The following AGBL1 variants were observed in gnomAD, a reference collection of about 807,000 sequenced individuals.
AGBL1 encodes the protein AGBL carboxypeptidase 1.
A neutral mutation model predicts 118.9 loss-of-function variants in AGBL1; 130 were observed. The observed-to-expected ratio is 1.09, with a 90% confidence interval of 0.95 to 1.26. The LOEUF (loss-of-function observed/expected upper bound fraction) is 1.26, where lower values mean the gene tolerates loss of function less well. Ranked by LOEUF, AGBL1 falls within the 50% of genes most tolerant of loss-of-function variation. AGBL1 has a pLI of 0.00. For synonymous variants in AGBL1, 555 were observed against 478.9 expected (o/e 1.16, Z -2.08); for missense variants, 1,584 against 1,298.1 (o/e 1.22, Z -3.38).
At chr15:86,798,319 A>G (rs1183033194) in intron 22 of AGBL1, among the ~76,000 whole-genome samples, 1 of 152,166 alleles carries the variant, frequency 6.6e-6, no homozygotes, top group Non-Finnish European at 1.5e-5. Flanking sequence ...TCCAGCATTA[A>G]GTGAGCTGGG....
At chr15:86,197,552 A>T (rs2077833850) in intron 5 of AGBL1, among the ~76,000 whole-genome samples, 2 of 152,208 alleles carry the variant, frequency 1.3e-5, no homozygotes, top group African/African-American at 4.8e-5. Context: ...TCTAAGCAAA[A>T]TGTTGAAGAT....
At chr15:86,552,326 A>T (rs922897516) in intron 20 of AGBL1, among the ~76,000 whole-genome samples, 6 of 151,740 alleles carry the variant, frequency 4.0e-5, no homozygotes, top group Admixed American at 6.6e-5. Context: ...TATTTTTTTT[A>T]AAAAAGAGAG....
intron 22 of AGBL1, among the ~76,000 whole-genome samples, chr15:86,710,199 C>G (rs1452439): frequency 0.48 from 73,317 of 151,976 alleles, 18,853 homozygotes; most frequent in African/African-American, 0.66. Flanking sequence ...GACAGCCAAT[C>G]CTTCAGATGC....
At chr15:86,768,765 A>G (rs1383781496) in intron 22 of AGBL1, among the ~76,000 whole-genome samples, 1 of 151,966 alleles carries the variant, frequency 6.6e-6, no homozygotes, top group African/African-American at 2.4e-5. Context: ...ATTGTTTACT[A>G]ATTTTCTGCA....
At chr15:86,374,933 G>A (rs1364731580) in intron 17 of AGBL1, among the ~76,000 whole-genome samples, 5 of 152,180 alleles carry the variant, frequency 3.3e-5, no homozygotes, top group African/African-American at 1.2e-4. Flanking sequence ...GATAATTTGG[G>A]TCAAAACAAC....
At chr15:86,421,584 C>G (rs1453036450) in intron 18 of AGBL1, among the ~76,000 whole-genome samples, 1 of 152,162 alleles carries the variant, frequency 6.6e-6, no homozygotes, top group Non-Finnish European at 1.5e-5. Flanking sequence ...ATGACAGGAT[C>G]AAATTCACAC....
intron 23 of AGBL1, among the ~76,000 whole-genome samples, chr15:86,978,443 G>C (rs2081196476): frequency 6.6e-6 from 1 of 152,186 alleles, no homozygotes. Flanking sequence ...AATAGCTTCT[G>C]GGAAATGTCT....
intron 23 of AGBL1, among the ~76,000 whole-genome samples, chr15:86,944,942 A>C (rs1242158549): frequency 6.6e-6 from 1 of 152,188 alleles, no homozygotes; most frequent in Non-Finnish European, 1.5e-5. Context: ...CTCTTTCCTG[A>C]GCAAATCAGA....
chr15:86,781,022 ATTAAT>A (rs1458884838), intron 22 of AGBL1, among the ~76,000 whole-genome samples: 1 of 152,042 alleles, frequency 6.6e-6, no homozygotes, highest in Non-Finnish European at 1.5e-5. Context: ...TATAATTTTT[ATTAAT>A]TTAATTTATT....
chr15:86,102,028 C>T (rs1395471979), intron 1 of AGBL1, among the ~76,000 whole-genome samples: 3 of 149,706 alleles, frequency 2.0e-5, no homozygotes, highest in Non-Finnish European at 3.0e-5. Context: ...TGAATCCTTT[C>T]TCTCTCTCTC....
intron 21 of AGBL1, among the ~76,000 whole-genome samples, chr15:86,586,646 GT>G (rs2084252903): frequency 2.0e-5 from 3 of 152,222 alleles, no homozygotes; most frequent in African/African-American, 7.2e-5. Flanking sequence ...TTACAGTTTG[GT>G]TTAATACATT....
chr15:86,888,813 CATAAA>C (rs1397919079), intron 22 of AGBL1, among the ~76,000 whole-genome samples: 10 of 152,084 alleles, frequency 6.6e-5, no homozygotes, highest in African/African-American at 2.4e-4. Context: ...TTAATCAGAA[CATAAA>C]ATAATGTCAG....
At chr15:86,321,952 A>G (rs1341749771) in intron 17 of AGBL1, among the ~76,000 whole-genome samples, 1 of 151,922 alleles carries the variant, frequency 6.6e-6, no homozygotes. Flanking sequence ...AAGTTTTTCA[A>G]GTATGTTCTG....
chr15:86,282,291 G>A (rs1256883224), intron 16 of AGBL1, among the ~76,000 whole-genome samples: 1 of 152,182 alleles, frequency 6.6e-6, no homozygotes, highest in Admixed American at 6.5e-5. Flanking sequence ...GAGGGAAAGA[G>A]AGGCCTTGTT....
chr15:86,300,702 A>G (rs1267625953), intron 17 of AGBL1, among the ~76,000 whole-genome samples: 1 of 152,112 alleles, frequency 6.6e-6, no homozygotes, highest in Admixed American at 6.6e-5. Flanking sequence ...ATGGCTCACA[A>G]CTGTTCTTTC....
At chr15:86,852,487 T>C (rs1318314043) in intron 22 of AGBL1, among the ~76,000 whole-genome samples, 1 of 152,154 alleles carries the variant, frequency 6.6e-6, no homozygotes, top group Non-Finnish European at 1.5e-5. Context: ...TCCCCTGCTA[T>C]CTGGAAACTC....
chr15:86,294,000 T>A (rs1381902113), intron 16 of AGBL1, among the ~76,000 whole-genome samples: 2 of 152,116 alleles, frequency 1.3e-5, no homozygotes, highest in Non-Finnish European at 2.9e-5. Context: ...TTACTGAAAT[T>A]TCCACTGTCA....
intron 5 of AGBL1, among the ~76,000 whole-genome samples, chr15:86,192,223 A>C (rs563883066): frequency 2.0e-5 from 3 of 150,710 alleles, no homozygotes; most frequent in African/African-American, 7.3e-5. Context: ...ATAAATTTAT[A>C]ATAAAATGCT....
intron 22 of AGBL1, among the ~76,000 whole-genome samples, chr15:86,747,050 T>C (rs1476802451): frequency 6.6e-6 from 1 of 152,044 alleles, no homozygotes; most frequent in African/African-American, 2.4e-5. Context: ...ATAGGGATGA[T>C]ACCACCAATG....
Sources: gnomAD v4.1 joint callset for allele counts (sites outside exome capture counted in the v4.1 genomes callset) on GRCh38, gnomAD v4.1.1 for gene constraint, MANE v1.5 for transcripts, NCBI Gene and HGNC (gene_info 2026-07-23, HGNC 2026-07-21) for gene names.